The following EIF4G3 variants were observed in gnomAD, a reference collection of about 807,000 sequenced individuals.
The protein encoded by EIF4G3 is eukaryotic translation initiation factor 4 gamma 3, also known as eIF-4-gamma 3.
A neutral mutation model predicts 186.4 loss-of-function variants in EIF4G3; 34 were observed. The ratio of observed to expected loss-of-function variants is 0.18; its 90% CI spans 0.14 to 0.24. EIF4G3 has a LOEUF of 0.24. EIF4G3 is among the 10% of genes least tolerant of loss of function. The pLI, the probability that EIF4G3 is intolerant of heterozygous loss-of-function variation, is 1.00. For synonymous variants in EIF4G3, 673 were observed against 679.5 expected (o/e 0.99, Z 0.15); for missense variants, 1,536 against 1,948.5 (o/e 0.79, Z 3.99).
intron 2 of EIF4G3, among the ~76,000 whole-genome samples, chr1:21,119,321 G>C (rs1572843892): frequency 6.6e-6 from 1 of 150,780 alleles, no homozygotes; most frequent in East Asian, 1.9e-4. Context: ...CTAAATAAAA[G>C]GGGAAAAAAA....
In EIF4G3 at chr1:21,000,806, T is replaced by C. The variant is rs563484466; in HGVS notation, c.144+393A>G. Among the ~76,000 whole-genome samples, 31 of 128,112 alleles carry C rather than the reference T, an allele frequency of 2.4e-4. 1 individual carries two copies. In the South Asian group the frequency reaches 6.7e-3, roughly 28 times the overall value. The allele number at this position is 128,112 out of a possible 152,430, so 84.0% of individuals were successfully genotyped here. On this transcript the variant is annotated intron_variant, in intron 6 of 36. Transcript: ENST00000602326. ...CAAAAATTGTATAGAGGATAGTATC[T>C]GAAGAGTTTATGACCACAGAAAAAT...
rs774294186 is a variant in EIF4G3, at chr1:20,851,352, C to G, written c.3678G>C (p.Arg1226=). Residue 1226 remains arginine, a synonymous_variant, in exon 28 of 37, where the codon CGG becomes CGC. Transcript: ENST00000602326. ...GCTTCACGGTCTCCAGCATCTCTCTCCGCTGCTCTTCTTGAGACTGATTGT... is the reference window on the plus strand; with the variant it reads ...GCTTCACGGTCTCCAGCATCTCTCTGCGCTGCTCTTCTTGAGACTGATTGT... ...LLDNQSQEEQ[R]REMLETVKQL... 1.2e-6 allele frequency: 2 copies of G among 1,614,190 alleles called. No individual in the cohort carries two copies. Among genetic ancestry groups the G allele is most frequent in the Non-Finnish European group, 1.7e-6 (2 of 1,180,046 alleles).
At chr1:20,942,410 C>T (rs1173341954) in intron 13 of EIF4G3, 80 bp from the exon 14 acceptor site, 1 of 1,391,496 alleles carries the variant, frequency 7.2e-7, no homozygotes, top group African/African-American at 1.4e-5. Context: ...CTTTCAATGT[C>T]TTACCCTAAA....
In EIF4G3 at chr1:20,856,147, C is replaced by A. The variant is rs1192530207; in HGVS notation, c.3340-1076G>T. ...AGATATAAACAACTAGAAGAAAGTACCAGAATCTTGGAGAAAAGGATCCTA... is the reference window on the plus strand; with the variant it reads ...AGATATAAACAACTAGAAGAAAGTAACAGAATCTTGGAGAAAAGGATCCTA... On this transcript the variant is annotated intron_variant, in intron 25 of 36. Coordinates refer to ENST00000602326, the MANE Select transcript of EIF4G3 (RefSeq NM_001391906.1). 2.6e-5 allele frequency among the ~76,000 whole-genome samples: 4 copies of A among 152,130 alleles called. No individual in the cohort carries two copies. The East Asian group carries it at 7.7e-4, about 29-fold the overall frequency.
At chr1:20,914,100 G>A (rs371606334) in intron 14 of EIF4G3, among the ~76,000 whole-genome samples, 41 of 151,312 alleles carry the variant, frequency 2.7e-4, no homozygotes, top group African/African-American at 9.2e-4. Flanking sequence ...GAGCCACCAC[G>A]CCCTGCCTTT....
At chr1:21,030,797 C>G (rs751720354) in intron 4 of EIF4G3, among the ~76,000 whole-genome samples, 4 of 152,186 alleles carry the variant, frequency 2.6e-5, no homozygotes, top group Non-Finnish European at 5.9e-5. Flanking sequence ...GCTCTAATAG[C>G]GACCACATTG....
intron 3 of EIF4G3, among the ~76,000 whole-genome samples, chr1:21,052,482 C>A (rs1256497799): frequency 1.3e-5 from 2 of 152,258 alleles, no homozygotes; most frequent in South Asian, 4.1e-4. Context: ...AGGATTATGA[C>A]AACAAATGAT....
chr1:20,971,515 T>C (rs928113659), intron 11 of EIF4G3, among the ~76,000 whole-genome samples: 2 of 152,266 alleles, frequency 1.3e-5, no homozygotes, highest in South Asian at 4.1e-4. Flanking sequence ...TACCAAAGCA[T>C]ATAGTTTCTT....
At chr1:20,852,655 G>A (rs886106179) in intron 27 of EIF4G3, among the ~76,000 whole-genome samples, 2 of 152,180 alleles carry the variant, frequency 1.3e-5, no homozygotes, top group African/African-American at 4.8e-5. Context: ...GGGAAAAGGA[G>A]AGACTCGGGC....
At chr1:21,104,380 A>G (rs568612022) in intron 2 of EIF4G3, among the ~76,000 whole-genome samples, 22 of 152,316 alleles carry the variant, frequency 1.4e-4, no homozygotes, top group South Asian at 4.1e-4. Flanking sequence ...TGAGACAATT[A>G]AAATAGGAAA....
chr1:20,911,713 C>G lies in EIF4G3; in HGVS notation c.1664-6742G>C, dbSNP rs188826721. Among the ~76,000 whole-genome samples the G allele has an allele frequency of 4.6e-5, 7 of 151,682 alleles. No individual in the cohort carries two copies. The East Asian group carries it at 1.4e-3, about 29-fold the overall frequency. On this transcript the variant is annotated intron_variant, in intron 14 of 36. Transcript: ENST00000602326. ...ATAAACTTAATATTGCTTCTCTTTACTAACTTATTTATTAATCAGGTAGTC... is the reference window on the plus strand; with the variant it reads ...ATAAACTTAATATTGCTTCTCTTTAGTAACTTATTTATTAATCAGGTAGTC...
chr1:21,082,289 G>A (rs1255801038), intron 3 of EIF4G3, among the ~76,000 whole-genome samples: 2 of 151,564 alleles, frequency 1.3e-5, no homozygotes, highest in Non-Finnish European at 1.5e-5. Context: ...TGCTAAGGCA[G>A]TAGGAGGTGA....
chr1:20,980,475 A>G (rs755885285), intron 9 of EIF4G3, 27 bp from the exon 10 acceptor site: 1 of 1,446,988 alleles, frequency 6.9e-7, no homozygotes, highest in South Asian at 1.3e-5. Flanking sequence ...ATGAATATTT[A>G]TAAATAATAT....
chr1:20,899,591 A>G, intron 16 of EIF4G3, 106 bp downstream of exon 16: 1 of 1,376,860 alleles, frequency 7.3e-7, no homozygotes, highest in East Asian at 2.3e-5. Flanking sequence ...TTATATTGTG[A>G]TAAACCTCTT....
At chr1:21,010,815 C>T (rs1369609811) in intron 4 of EIF4G3, among the ~76,000 whole-genome samples, 7 of 152,104 alleles carry the variant, frequency 4.6e-5, no homozygotes, top group Admixed American at 1.3e-4. Flanking sequence ...CAATATAAAA[C>T]GCTGGAGACA....
intron 20 of EIF4G3, among the ~76,000 whole-genome samples, chr1:20,878,351 T>C (rs1220569168): frequency 2.0e-5 from 3 of 152,206 alleles, no homozygotes; most frequent in Admixed American, 6.5e-5. Flanking sequence ...CCCACCAACA[T>C]AGTGTTTTCT....
At chr1:21,113,281 T>C (rs2096759720) in intron 2 of EIF4G3, among the ~76,000 whole-genome samples, 1 of 152,098 alleles carries the variant, frequency 6.6e-6, no homozygotes, top group African/African-American at 2.4e-5. Context: ...TCTTGTTTTC[T>C]TTTTTTAATA....
intron 2 of EIF4G3, among the ~76,000 whole-genome samples, chr1:21,092,989 T>C (rs1386955410): frequency 6.6e-6 from 1 of 152,070 alleles, no homozygotes; most frequent in East Asian, 1.9e-4. Context: ...TCTAAAACCA[T>C]AAAAACCCTA....
chr1:21,049,284 A>G (rs2094077434), intron 4 of EIF4G3, among the ~76,000 whole-genome samples: 1 of 152,164 alleles, frequency 6.6e-6, no homozygotes, highest in Non-Finnish European at 1.5e-5. Context: ...GCTCAACCCT[A>G]CAGAGAAAGG....
Sources: allele counts gnomAD v4.1 joint callset (sites outside exome capture counted in the v4.1 genomes callset), GRCh38; gene constraint gnomAD v4.1.1; transcripts MANE v1.5; gene names NCBI Gene and HGNC (gene_info 2026-07-23, HGNC 2026-07-21).